ZNF277: variants seen among roughly 807,000 people sequenced by gnomAD.
ZNF277 encodes nuclear receptor-interacting factor 4.
ZNF277 carries 55 observed loss-of-function variants against 60.7 expected under a neutral mutation model. That is an observed-to-expected ratio of 0.91 (90% CI 0.73 to 1.13). The LOEUF (loss-of-function observed/expected upper bound fraction) is 1.13. ZNF277 is among the 50% of genes most tolerant of loss of function. The pLI is 0.00. For synonymous variants in ZNF277, 178 were observed against 179.3 expected (o/e 0.99, Z 0.06); for missense variants, 510 against 523.0 (o/e 0.98, Z 0.24).
chr7:112,284,502 A>G (rs940396222), intron 1 of ZNF277, among the ~76,000 whole-genome samples: 1 of 152,172 alleles, frequency 6.6e-6, no homozygotes, highest in African/African-American at 2.4e-5. Flanking sequence ...TTAAATGCCT[A>G]TGAAAGTTAA....
intron 4 of ZNF277, among the ~76,000 whole-genome samples, chr7:112,303,544 T>C (rs1315327576): frequency 6.6e-6 from 1 of 152,042 alleles, no homozygotes; most frequent in Non-Finnish European, 1.5e-5. Flanking sequence ...TAGCTTTCTT[T>C]TTCCTTTTTC....
chr7:112,213,390 T>A (rs1368142261), intron 1 of ZNF277, among the ~76,000 whole-genome samples: 2 of 152,206 alleles, frequency 1.3e-5, no homozygotes, highest in African/African-American at 4.8e-5. Flanking sequence ...GAAGAGGCCT[T>A]ATTTAAAGCA....
At chr7:112,269,657 T>C (rs1260280420) in intron 1 of ZNF277, among the ~76,000 whole-genome samples, 1 of 152,114 alleles carries the variant, frequency 6.6e-6, no homozygotes, top group East Asian at 1.9e-4. Context: ...TTTTGGGTCA[T>C]AGCTTTCTTA....
chr7:112,278,549 CTTTG>C (rs372217766), intron 1 of ZNF277, among the ~76,000 whole-genome samples: 194 of 152,228 alleles, frequency 1.3e-3, no homozygotes, highest in African/African-American at 4.4e-3. Flanking sequence ...ACATTAATTT[CTTTG>C]TTTAACACTT....
In ZNF277 at chr7:112,319,424, A is replaced by G. The variant is rs917264737; in HGVS notation, c.557+1151A>G. Among the ~76,000 whole-genome samples, 4 of 152,092 alleles carry G rather than the reference A, an allele frequency of 2.6e-5. No homozygotes were observed. The East Asian group carries it at 7.7e-4, about 29-fold the overall frequency. On this transcript the variant is annotated intron_variant, in intron 5 of 11. Coordinates refer to ENST00000361822, the MANE Select transcript of ZNF277 (RefSeq NM_021994.3). Reference sequence around the variant, plus strand: ...ACGCATCAGCAATGTTTACAAATATACATTCACTTAAATACAAGTTATGAA... The same window carrying G: ...ACGCATCAGCAATGTTTACAAATATGCATTCACTTAAATACAAGTTATGAA...
At chr7:112,232,989 T>G (rs759690616) in intron 1 of ZNF277, among the ~76,000 whole-genome samples, 9 of 152,210 alleles carry the variant, frequency 5.9e-5, no homozygotes, top group Non-Finnish European at 1.0e-4. Flanking sequence ...GCTCATTCCT[T>G]AAGATTTCAT....
chr7:112,232,176 C>G (rs577719438), intron 1 of ZNF277, among the ~76,000 whole-genome samples: 13 of 150,790 alleles, frequency 8.6e-5, no homozygotes, highest in Non-Finnish European at 1.8e-4. Context: ...ATAATGAGAT[C>G]TAAGGAATTA....
At chr7:112,305,757 G>C (rs1026853081) in intron 4 of ZNF277, among the ~76,000 whole-genome samples, 2 of 151,922 alleles carry the variant, frequency 1.3e-5, no homozygotes, top group Non-Finnish European at 2.9e-5. Context: ...AAGCATCTCT[G>C]GTCCCTCTTT....
At chr7:112,311,243 A>T (rs1711967429) in intron 4 of ZNF277, among the ~76,000 whole-genome samples, 1 of 152,148 alleles carries the variant, frequency 6.6e-6, no homozygotes. Flanking sequence ...ATGAATAAAG[A>T]TGAAAGACTA....
intron 1 of ZNF277, among the ~76,000 whole-genome samples, chr7:112,263,058 T>C (rs1791470151): frequency 6.6e-6 from 1 of 152,188 alleles, no homozygotes; most frequent in African/African-American, 2.4e-5. Context: ...CTCCATTTCT[T>C]ACTGGCAGTG....
At chr7:112,218,868 T>C (rs545716612) in intron 1 of ZNF277, among the ~76,000 whole-genome samples, 101 of 152,206 alleles carry the variant, frequency 6.6e-4, no homozygotes, top group African/African-American at 2.4e-3. Flanking sequence ...GTTCATCCAT[T>C]GATGGACACT....
chr7:112,318,576 A>G (rs1438873563), intron 5 of ZNF277, among the ~76,000 whole-genome samples: 1 of 152,040 alleles, frequency 6.6e-6, no homozygotes, highest in Non-Finnish European at 1.5e-5. Flanking sequence ...TCTGTATACT[A>G]ACTCTTTTCT....
At chr7:112,236,698 C>G (rs1790802186) in intron 1 of ZNF277, among the ~76,000 whole-genome samples, 2 of 152,080 alleles carry the variant, frequency 1.3e-5, no homozygotes, top group African/African-American at 4.8e-5. Context: ...TCACTATTTA[C>G]TTTCCATATT....
At chr7:112,333,200 G>A (rs1050129376) in intron 7 of ZNF277, among the ~76,000 whole-genome samples, 24 of 151,740 alleles carry the variant, frequency 1.6e-4, no homozygotes, top group African/African-American at 5.8e-4. Flanking sequence ...TGAGGGAAAA[G>A]GCTGACATGA....
chr7:112,295,082 G>C (rs1415405372), intron 2 of ZNF277, among the ~76,000 whole-genome samples: 1 of 151,888 alleles, frequency 6.6e-6, no homozygotes, highest in African/African-American at 2.4e-5. Context: ...ATAGAATCAA[G>C]CTTTCCTTTT....
chr7:112,294,198 T>C (rs1231724114), intron 2 of ZNF277, among the ~76,000 whole-genome samples: 5 of 152,068 alleles, frequency 3.3e-5, no homozygotes, highest in Admixed American at 3.3e-4. Context: ...CTCTCTACCA[T>C]GGGGTGGTGG....
chr7:112,275,935 T>C (rs943569537), intron 1 of ZNF277, among the ~76,000 whole-genome samples: 1 of 152,152 alleles, frequency 6.6e-6, no homozygotes, highest in Non-Finnish European at 1.5e-5. Flanking sequence ...CACACGGAAA[T>C]GGGGCAGCAG....
At chr7:112,324,109 G>GGGTT (rs1793046313) in intron 5 of ZNF277, among the ~76,000 whole-genome samples, 1 of 152,042 alleles carries the variant, frequency 6.6e-6, no homozygotes, top group Non-Finnish European at 1.5e-5. Context: ...ATTTACAGTG[G>GGGTT]GGTTACATCT....
intron 1 of ZNF277, among the ~76,000 whole-genome samples, chr7:112,262,926 G>A (rs1791467955): frequency 6.6e-6 from 1 of 152,126 alleles, no homozygotes; most frequent in Non-Finnish European, 1.5e-5. Flanking sequence ...GCTGTCAAGA[G>A]GAGGAGGGAA....
Sources: allele counts gnomAD v4.1 joint callset (sites outside exome capture counted in the v4.1 genomes callset), GRCh38; gene constraint gnomAD v4.1.1; transcripts MANE v1.5; gene names NCBI Gene and HGNC (gene_info 2026-07-23, HGNC 2026-07-21).